TOM1L2: variants seen among roughly 807,000 people sequenced by gnomAD.
TOM1L2 encodes the protein TOM1-like protein 2.
A neutral mutation model predicts 67.9 loss-of-function variants in TOM1L2; 31 were observed. The observed-to-expected ratio is 0.46, with a 90% CI of 0.34 to 0.62. The LOEUF (loss-of-function observed/expected upper bound fraction) is 0.62, where lower values mean the gene tolerates loss of function less well. TOM1L2 is among the 20% of genes least tolerant of loss of function. The pLI is 0.01. For synonymous variants in TOM1L2, 256 were observed against 254.0 expected, an observed-to-expected ratio of 1.01 and a Z score of -0.07; for missense variants, 606 against 663.5, an observed-to-expected ratio of 0.91 and a Z score of 0.95.
At chr17:17,912,423 C>T (rs1369944858) in intron 1 of TOM1L2, among the ~76,000 whole-genome samples, 2 of 151,122 alleles carry the variant, frequency 1.3e-5, no homozygotes, top group Non-Finnish European at 3.0e-5. Context: ...CTCCTCACTT[C>T]TCAGACGGGG....
intron 1 of TOM1L2, among the ~76,000 whole-genome samples, chr17:17,954,604 C>T (rs574717588): frequency 6.6e-6 from 1 of 152,278 alleles, no homozygotes; most frequent in South Asian, 2.1e-4. Context: ...TGAGCCACCG[C>T]GCCTGGCCCT....
At chr17:17,915,515 C>G (rs1568264494) in intron 1 of TOM1L2, among the ~76,000 whole-genome samples, 1 of 151,728 alleles carries the variant, frequency 6.6e-6, no homozygotes. Flanking sequence ...CCCCTCACCC[C>G]TTTTTTTTAA....
chr17:17,929,575 G>C (rs1182738734), intron 1 of TOM1L2, among the ~76,000 whole-genome samples: 1 of 152,040 alleles, frequency 6.6e-6, no homozygotes, highest in Non-Finnish European at 1.5e-5. Flanking sequence ...AGGTTGTGGT[G>C]AGCCGAGATC....
intron 12 of TOM1L2, among the ~76,000 whole-genome samples, chr17:17,856,654 G>C (rs1484543978): frequency 6.6e-6 from 1 of 152,276 alleles, no homozygotes; most frequent in Admixed American, 6.5e-5. Flanking sequence ...CCTGGAGGGA[G>C]AGGCACATGT....
chr17:17,895,495 T>C (rs1238301623), intron 3 of TOM1L2, among the ~76,000 whole-genome samples: 4 of 152,228 alleles, frequency 2.6e-5, no homozygotes, highest in Admixed American at 1.3e-4. Context: ...GATCCTTCCA[T>C]AACATATGGA....
At chr17:17,914,292 T>TCCTAGCCTGA (rs2039534199) in intron 1 of TOM1L2, among the ~76,000 whole-genome samples, 2 of 152,154 alleles carry the variant, frequency 1.3e-5, no homozygotes, top group African/African-American at 4.8e-5. Flanking sequence ...CACACTGCTG[T>TCCTAGCCTGA]CTCAGTGGCT....
intron 1 of TOM1L2, among the ~76,000 whole-genome samples, chr17:17,931,612 T>C (rs1229765232): frequency 2.0e-5 from 3 of 152,074 alleles, no homozygotes; most frequent in Non-Finnish European, 4.4e-5. Context: ...CAATGAAGCA[T>C]CTCCCAGAAG....
Position 17,851,464 on chromosome 17 carries a change from T to G in TOM1L2, c.1279-512A>C, listed in dbSNP as rs530761595. Among the ~76,000 whole-genome samples the G allele has an allele frequency of 8.5e-5, 13 of 152,276 alleles. No individual in the cohort carries two copies. The South Asian group carries it at 2.7e-3, about 32-fold the overall frequency. ...CCCCGGGGGGATGCAGGGGGTCTGT[T>G]TGCTCCGCTGAAGAGATTTTGAAAT... is the stretch of plus-strand genomic sequence containing the variant. On this transcript the variant is annotated intron_variant, in intron 12 of 14. Coordinates refer to ENST00000379504, the MANE Select transcript of TOM1L2 (RefSeq NM_001082968.2).
chr17:17,862,890 G>A (rs1026810770), intron 10 of TOM1L2, 42 bp from the exon 11 acceptor site: 2 of 1,370,366 alleles, frequency 1.5e-6, no homozygotes, highest in Admixed American at 1.9e-5. Flanking sequence ...AGAACAAAAT[G>A]TAGACTGTAG....
chr17:17,851,835 AGGTGTACCACGG>A (rs1186841506), intron 12 of TOM1L2, among the ~76,000 whole-genome samples: 1 of 152,164 alleles, frequency 6.6e-6, no homozygotes, highest in Non-Finnish European at 1.5e-5. Flanking sequence ...AGGCATACTA[AGGTGTACCACGG>A]GGTTGCCTGA....
In TOM1L2 at chr17:17,849,325, C is replaced by A. The variant is rs147747231; in HGVS notation, c.1339-466G>T. 9.1e-3 allele frequency among the ~76,000 whole-genome samples: 1,384 copies of A among 152,310 alleles called. 14 individuals carry two copies. Among genetic ancestry groups the A allele is most frequent in the South Asian group, 0.022 (107 of 4,826 alleles). On this transcript the variant is annotated intron_variant, in intron 13 of 14. Transcript: ENST00000379504. Reference sequence around the variant, plus strand: ...GGTTTCTGGGAAGACGCTGTTGACACCAATAGCTGGAAACCGCATGAGGCC... The same window carrying A: ...GGTTTCTGGGAAGACGCTGTTGACAACAATAGCTGGAAACCGCATGAGGCC...
chr17:17,907,993 TAGAAC>T (rs1184949803), intron 1 of TOM1L2, among the ~76,000 whole-genome samples: 1 of 152,244 alleles, frequency 6.6e-6, no homozygotes, highest in African/African-American at 2.4e-5. Context: ...ATGAAACACT[TAGAAC>T]AGAGCCTAGC....
chr17:17,868,657 T>G (rs1463424482), intron 8 of TOM1L2, among the ~76,000 whole-genome samples: 1 of 152,196 alleles, frequency 6.6e-6, no homozygotes, highest in Non-Finnish European at 1.5e-5. Flanking sequence ...CTTGCCATTA[T>G]TCCTCCTATT....
intron 12 of TOM1L2, chr17:17,858,194 C>A: frequency 5.2e-6 from 1 of 192,152 alleles, no homozygotes; most frequent in Non-Finnish European, 1.0e-5. Context: ...CCAGCTTTTA[C>A]AAAAGCAATT....
intron 1 of TOM1L2, among the ~76,000 whole-genome samples, chr17:17,960,527 G>A (rs1398822423): frequency 1.3e-5 from 2 of 152,190 alleles, no homozygotes; most frequent in Middle Eastern, 3.4e-3. Context: ...TTGTAGAGAC[G>A]GAATTTCGCC....
At chr17:17,964,468 A>G (rs2041806730) in intron 1 of TOM1L2, among the ~76,000 whole-genome samples, 1 of 152,278 alleles carries the variant, frequency 6.6e-6, no homozygotes, top group African/African-American at 2.4e-5. Context: ...AGTGAAATAC[A>G]AAAGTATTCC....
chr17:17,959,588 C>A (rs1291474686), intron 1 of TOM1L2, among the ~76,000 whole-genome samples: 2 of 152,138 alleles, frequency 1.3e-5, no homozygotes, highest in Non-Finnish European at 2.9e-5. Context: ...CTTTCAAACC[C>A]CAAGCAACAT....
chr17:17,884,378 G>A (rs1193907265), intron 5 of TOM1L2, among the ~76,000 whole-genome samples: 1 of 152,152 alleles, frequency 6.6e-6, no homozygotes. Flanking sequence ...CTCCGCCCAA[G>A]TAGCCATTTC....
intron 7 of TOM1L2, chr17:17,871,953 C>G (rs921275787): frequency 1.0e-6 from 1 of 984,974 alleles, no homozygotes. Context: ...GAAAACTCCA[C>G]AAAATACCCA....
Sources: allele counts gnomAD v4.1 joint callset (sites outside exome capture counted in the v4.1 genomes callset), GRCh38; gene constraint gnomAD v4.1.1; transcripts MANE v1.5; gene names NCBI Gene and HGNC (gene_info 2026-07-23, HGNC 2026-07-21).